Variants in DBT observed in about 807,000 individuals in gnomAD.
DBT encodes the protein lipoamide acyltransferase component of branched-chain alpha-keto acid dehydrogenase complex, mitochondrial.
In DBT, 40 loss-of-function variants were observed where a neutral mutation model predicts 51.3. The observed-to-expected ratio is 0.78, with a 90% confidence interval of 0.61 to 1.02. DBT has a LOEUF of 1.02. Ranked by LOEUF, DBT falls within the 50% of genes least tolerant of loss-of-function variation. The pLI is 0.00. For missense variants in DBT, 510 were observed against 580.2 expected (o/e 0.88, Z 1.24); for synonymous variants, 181 against 190.4 (o/e 0.95, Z 0.41).
In DBT at chr1:100,231,859, T is replaced by G. The variant is rs563392895; in HGVS notation, c.252-945A>C. Among the ~76,000 whole-genome samples, 68 of 152,210 alleles carry G rather than the reference T, an allele frequency of 4.5e-4. 1 individual carries two copies. The highest frequency in any genetic ancestry group is 8.4e-4 in the Non-Finnish European group (57 of 68,042). ...TGGTTGAGTTTTGTAGTATTTTAACTTGCCCAATTTCCATCCTCCTTTCCC... is the reference window on the plus strand; with the variant it reads ...TGGTTGAGTTTTGTAGTATTTTAACGTGCCCAATTTCCATCCTCCTTTCCC... On this transcript the variant is annotated intron_variant, in intron 3 of 10. Coordinates refer to ENST00000370132, the MANE Select transcript of DBT (RefSeq NM_001918.5).
In DBT at chr1:100,189,351, T is replaced by TAAA. The variant is rs71709231; in HGVS notation, c.*6901_*6903dup. ...CAGAGTGAGACTCCATCTCAAAAATTAAAAAAAAAAAAAAAAAAAGCCTGT... is the reference window on the plus strand; with the variant it reads ...CAGAGTGAGACTCCATCTCAAAAATTAAAAAAAAAAAAAAAAAAAAAAGCCTGT... On this transcript the variant is annotated 3_prime_UTR_variant, in exon 11 of 11. Coordinates refer to ENST00000370132, the MANE Select transcript of DBT (RefSeq NM_001918.5). 11 of 143,494 alleles carry TAAA rather than the reference T, an allele frequency of 7.7e-5. 1 individual carries two copies. The highest frequency in any genetic ancestry group is 2.6e-4 in the African/African-American group (10 of 38,530). The allele number at this position is 143,494 out of a possible 1,614,324, so 8.9% of individuals were successfully genotyped here. A position where few individuals can be genotyped will look rare whatever the true frequency, so the allele number is the denominator to read the frequency against.
intron 6 of DBT, 76 bp from the exon 7 acceptor site, chr1:100,215,059 C>T (rs1282509731): frequency 3.1e-5 from 32 of 1,026,462 alleles, no homozygotes; most frequent in Non-Finnish European, 4.3e-5. Context: ...TTTAAAGAAA[C>T]TAAAATGGAA....
chr1:100,241,436 C>T lies in DBT; in HGVS notation c.52-552G>A, dbSNP rs1388303481. Among the ~76,000 whole-genome samples the T allele has an allele frequency of 2.0e-5, 3 of 151,244 alleles. No individual in the cohort carries two copies. In the East Asian group the frequency reaches 5.9e-4, roughly 30 times the overall value. On this transcript the variant is annotated intron_variant, in intron 1 of 10. Transcript: ENST00000370132. Reference sequence around the variant, plus strand: ...TTTGAGACATGGTCTCACTCTGTTGCCCAGGCTGGAGTGCAGTGGTGCGAT... The same window carrying T: ...TTTGAGACATGGTCTCACTCTGTTGTCCAGGCTGGAGTGCAGTGGTGCGAT...
rs1334781885 is a variant in DBT, at chr1:100,225,042, A to ATATATAT, written c.433+5690_433+5691insATATATA. Among the ~76,000 whole-genome samples the ATATATAT allele has an allele frequency of 4.6e-4, 21 of 45,656 alleles. 2 individuals are homozygous for ATATATAT. The highest frequency in any genetic ancestry group is 1.4e-3 in the African/African-American group (21 of 14,902). 30.0% of individuals were successfully genotyped at this position (45,656 alleles called of 152,430 possible). Reference sequence around the variant, plus strand: ...CCCCCCAAAAAAAAAAAAAAAAAAAAATATATATATACACACACACACACA... The same window carrying ATATATAT: ...CCCCCCAAAAAAAAAAAAAAAAAAAATATATATATATATATATACACACACACACACA... On this transcript the variant is annotated intron_variant, in intron 4 of 10. Transcript: ENST00000370132.
At chr1:100,230,552 ATT>A (rs1303077376) in intron 4 of DBT, among the ~76,000 whole-genome samples, 179 bp downstream of exon 4, 1 of 151,132 alleles carries the variant, frequency 6.6e-6, no homozygotes, top group South Asian at 2.1e-4. Context: ...TCAGATTTCT[ATT>A]TTGTGTTGAA....
At chr1:100,197,997 A>T (rs1661206658) in intron 10 of DBT, among the ~76,000 whole-genome samples, 1 of 152,196 alleles carries the variant, frequency 6.6e-6, no homozygotes, top group Admixed American at 6.5e-5. Flanking sequence ...GGCTTGAAAA[A>T]ACCATGGATA....
In DBT at chr1:100,194,071, T is replaced by C. The variant is rs949576874; in HGVS notation, c.*2184A>G. The C allele has an allele frequency of 6.6e-6, 1 of 152,222 alleles. No homozygotes were observed. The highest frequency in any genetic ancestry group is 1.5e-5 in the Non-Finnish European group (1 of 68,032). The allele number at this position is 152,222 out of a possible 1,614,324, so 9.4% of individuals were successfully genotyped here. A position where few individuals can be genotyped will look rare whatever the true frequency, so the allele number is the denominator to read the frequency against. On this transcript the variant is annotated 3_prime_UTR_variant, in exon 11 of 11. Coordinates refer to ENST00000370132, the MANE Select transcript of DBT (RefSeq NM_001918.5). The stretch of plus-strand genomic sequence containing the variant: ...ACAGATAGATACATCAAAATGTTAA[T>C]AGTGGTAAGATTATGAATGACTTTT...
intron 1 of DBT, among the ~76,000 whole-genome samples, chr1:100,247,159 A>G (rs1664587816): frequency 6.6e-6 from 1 of 152,218 alleles, no homozygotes; most frequent in African/African-American, 2.4e-5. Context: ...TCCAGATCAT[A>G]AATTGCCTCA....
intron 4 of DBT, among the ~76,000 whole-genome samples, chr1:100,223,107 T>C (rs1266706316): frequency 6.6e-6 from 1 of 152,222 alleles, no homozygotes; most frequent in Non-Finnish European, 1.5e-5. Flanking sequence ...CAGTGGTGAA[T>C]GTTCATAACA....
chr1:100,204,659 C>T (rs893164343), intron 10 of DBT, among the ~76,000 whole-genome samples: 6 of 151,884 alleles, frequency 4.0e-5, no homozygotes, highest in African/African-American at 1.5e-4. Context: ...TAATCCTAAA[C>T]AAAAAGAAGG....
chr1:100,211,418 T>G (rs967530685), intron 7 of DBT, among the ~76,000 whole-genome samples: 1 of 152,258 alleles, frequency 6.6e-6, no homozygotes, highest in Non-Finnish European at 1.5e-5. Flanking sequence ...AATCTGTTTT[T>G]GGGATCTAAT....
chr1:100,244,150 G>A (rs1178395651), intron 1 of DBT, among the ~76,000 whole-genome samples: 1 of 151,632 alleles, frequency 6.6e-6, no homozygotes, highest in Non-Finnish European at 1.5e-5. Flanking sequence ...AAGGCTTCTT[G>A]GAGGAAGATT....
chr1:100,240,664 T>A (rs1373251383), intron 2 of DBT, 97 bp downstream of exon 2: 12 of 1,051,170 alleles, frequency 1.1e-5, no homozygotes, highest in Non-Finnish European at 1.8e-5. Context: ...AGAGTCAACT[T>A]TTTTTTGTTT....
At position 100,218,852 on chromosome 1, in the gene DBT, TA is replaced by T. The variant is rs1434632207; in HGVS notation, c.434-106del. 11 of 831,092 alleles carry T rather than the reference TA, an allele frequency of 1.3e-5. 1 individual carries two copies. The highest frequency in any genetic ancestry group is 1.7e-5 in the Non-Finnish European group (9 of 527,508). 51.5% of individuals were successfully genotyped at this position (831,092 alleles called of 1,614,324 possible). A position where few individuals can be genotyped will look rare whatever the true frequency, so the allele number is the denominator to read the frequency against. On this transcript the variant is annotated intron_variant, in intron 4 of 10. Coordinates refer to ENST00000370132, the MANE Select transcript of DBT (RefSeq NM_001918.5). ...TGTGGCCTATAATATCTAAATAAAT[TA>T]AAGTTTATAGTCTAAATGTATAAAA...
In DBT at chr1:100,195,173, G is replaced by A. The variant is rs1033961722; in HGVS notation, c.*1082C>T. ...TAGCTGAAGACCAAAAAAGTTAAAA[G>A]GAAGTAGACTTCTCAAATTTTTTTT... On this transcript the variant is annotated 3_prime_UTR_variant, in exon 11 of 11. Coordinates refer to ENST00000370132, the MANE Select transcript of DBT (RefSeq NM_001918.5). 16 of 152,412 alleles carry A rather than the reference G, an allele frequency of 1.0e-4. No homozygotes were observed. Among genetic ancestry groups the A allele is most frequent in the Non-Finnish European group, 1.2e-4 (8 of 67,994 alleles). 9.4% of individuals were successfully genotyped at this position (152,412 alleles called of 1,614,324 possible).
intron 6 of DBT, 51 bp from the exon 7 acceptor site, chr1:100,215,034 A>AT: frequency 2.5e-6 from 3 of 1,211,980 alleles, no homozygotes; most frequent in Admixed American, 2.9e-5. Context: ...AAATCTCTTC[A>AT]TCCTTTTTTT....
chr1:100,206,910 C>T (rs1386089688), intron 8 of DBT, among the ~76,000 whole-genome samples: 1 of 151,896 alleles, frequency 6.6e-6, no homozygotes, highest in Non-Finnish European at 1.5e-5. Context: ...ATAGTGAAAC[C>T]CCATCTTTAC....
At chr1:100,217,775 G>A (rs1459188864) in intron 5 of DBT, among the ~76,000 whole-genome samples, 1 of 98,538 alleles carries the variant, frequency 1.0e-5, no homozygotes, top group Non-Finnish European at 2.3e-5. Flanking sequence ...CCTGCCTGCA[G>A]GGTCCTTGTG....
chr1:100,203,722 A>G (rs1255379881), intron 10 of DBT, among the ~76,000 whole-genome samples: 2 of 152,210 alleles, frequency 1.3e-5, no homozygotes, highest in Non-Finnish European at 2.9e-5. Context: ...GGCAAACCGA[A>G]TCCAGCAGCA....
Sources: allele counts gnomAD v4.1 joint callset (sites outside exome capture counted in the v4.1 genomes callset), GRCh38; gene constraint gnomAD v4.1.1; transcripts MANE v1.5; gene names NCBI Gene and HGNC (gene_info 2026-07-23, HGNC 2026-07-21).